Variants in CLVS1 observed in about 807,000 individuals in gnomAD.
CLVS1 encodes the protein clavesin 1, also known as clavesin-1.
In CLVS1, 10 loss-of-function variants were observed where a neutral mutation model predicts 33.1. The observed-to-expected ratio is 0.30, with a 90% CI of 0.19 to 0.51. CLVS1 has a LOEUF of 0.51. Ranked by LOEUF, CLVS1 falls within the 20% of genes least tolerant of loss-of-function variation. The pLI, the probability that CLVS1 is intolerant of heterozygous loss-of-function variation, is 0.97. For synonymous variants in CLVS1, 163 were observed against 166.1 expected, an observed-to-expected ratio of 0.98 and a Z score of 0.14; for missense variants, 343 against 433.4, an observed-to-expected ratio of 0.79 and a Z score of 1.85.
At chr8:61,461,153 G>A (rs1339482713) in intron 5 of CLVS1, among the ~76,000 whole-genome samples, 1 of 152,114 alleles carries the variant, frequency 6.6e-6, no homozygotes, top group East Asian at 1.9e-4. Flanking sequence ...TTTTTTCCTG[G>A]CAAAATGATG....
chr8:61,464,088 CA>C (rs34442006), intron 5 of CLVS1, among the ~76,000 whole-genome samples: 84,360 of 117,984 alleles, frequency 0.72, 30,676 homozygotes, highest in Non-Finnish European at 0.84. Flanking sequence ...GACTCTGTCT[CA>C]AAAAAAAAAA....
chr8:61,253,625 T>C (rs2978493), intron 2 of CLVS1, among the ~76,000 whole-genome samples: 51,993 of 152,006 alleles, frequency 0.34, 9,360 homozygotes, highest in Admixed American at 0.39. Context: ...CATTTCTTTT[T>C]ATTATTTTTT....
chr8:61,453,807 G>A (rs781602806), intron 3 of CLVS1, among the ~76,000 whole-genome samples: 2 of 152,094 alleles, frequency 1.3e-5, no homozygotes, highest in Non-Finnish European at 2.9e-5. Context: ...GTTACCTAAC[G>A]CAATGAAGAA....
At chr8:60,970,030 AAG>A in the CLVS1 span, among the ~76,000 whole-genome samples, 1 of 152,242 alleles carries the variant, frequency 6.6e-6, no homozygotes, top group Non-Finnish European at 1.5e-5. Flanking sequence ...CCGATACGTC[AAG>A]GAGCAACTGT....
At chr8:61,182,721 T>C (rs549523029) in intron 2 of CLVS1, among the ~76,000 whole-genome samples, 1 of 152,168 alleles carries the variant, frequency 6.6e-6, no homozygotes, top group Non-Finnish European at 1.5e-5. Flanking sequence ...AGTTCAATCA[T>C]TGTGGAAGAT....
chr8:61,159,009 C>T (rs1377239937), intron 2 of CLVS1, among the ~76,000 whole-genome samples: 2 of 152,084 alleles, frequency 1.3e-5, no homozygotes, highest in Non-Finnish European at 2.9e-5. Flanking sequence ...GCTGGGACTA[C>T]AGGCATGAGC....
chr8:61,172,170 C>T (rs1807015323), intron 2 of CLVS1, among the ~76,000 whole-genome samples: 1 of 152,140 alleles, frequency 6.6e-6, no homozygotes, highest in East Asian at 1.9e-4. Context: ...ACCACTGCAT[C>T]TTTTGTCTAT....
intron 5 of CLVS1, among the ~76,000 whole-genome samples, chr8:61,460,669 T>C (rs1817336685): frequency 6.6e-6 from 1 of 152,208 alleles, no homozygotes; most frequent in South Asian, 2.1e-4. Context: ...TTTGGCTAAC[T>C]TTCTCAAAAC....
At chr8:61,475,031 G>A (rs985239914) in intron 5 of CLVS1, among the ~76,000 whole-genome samples, 2 of 152,144 alleles carry the variant, frequency 1.3e-5, no homozygotes, top group South Asian at 4.1e-4. Flanking sequence ...CCACCTATGA[G>A]TGAGAACATG....
the CLVS1 span, among the ~76,000 whole-genome samples, chr8:61,029,521 T>A: frequency 6.6e-5 from 10 of 152,070 alleles, no homozygotes; most frequent in African/African-American, 2.4e-4. Flanking sequence ...TGGTAGAACC[T>A]CGAGACGAAT....
chr8:61,449,776 T>C (rs1010080089), intron 3 of CLVS1, among the ~76,000 whole-genome samples: 3 of 152,186 alleles, frequency 2.0e-5, no homozygotes, highest in Admixed American at 1.3e-4. Context: ...TGGGAAACTC[T>C]CTATTGTGTC....
intron 2 of CLVS1, among the ~76,000 whole-genome samples, chr8:61,240,568 G>C (rs1808677223): frequency 6.6e-6 from 1 of 152,192 alleles, no homozygotes; most frequent in Non-Finnish European, 1.5e-5. Flanking sequence ...GTAAAGGCAA[G>C]ATCTTTGTCT....
intron 5 of CLVS1, among the ~76,000 whole-genome samples, chr8:61,471,368 G>A (rs938704758): frequency 2.6e-5 from 4 of 151,968 alleles, no homozygotes; most frequent in Admixed American, 6.6e-5. Flanking sequence ...ATTTTGTCAC[G>A]GTTTTGATTT....
the CLVS1 span, among the ~76,000 whole-genome samples, chr8:61,045,184 G>A: frequency 6.6e-6 from 1 of 152,216 alleles, no homozygotes; most frequent in Non-Finnish European, 1.5e-5. Context: ...AAAAAGCTAA[G>A]ATCCTGAAGC....
At chr8:61,012,517 C>A in the CLVS1 span, among the ~76,000 whole-genome samples, 1 of 152,222 alleles carries the variant, frequency 6.6e-6, no homozygotes. Flanking sequence ...GAACCTGGAT[C>A]TTCTGACAGC....
At chr8:61,118,756 T>C (rs1053084724) in intron 1 of CLVS1, among the ~76,000 whole-genome samples, 3 of 152,202 alleles carry the variant, frequency 2.0e-5, no homozygotes, top group African/African-American at 7.2e-5. Flanking sequence ...ATAATTTCTG[T>C]TCTTTTATAT....
At chr8:61,414,918 C>A (rs1247724758) in intron 3 of CLVS1, among the ~76,000 whole-genome samples, 3 of 152,200 alleles carry the variant, frequency 2.0e-5, no homozygotes, top group Non-Finnish European at 2.9e-5. Flanking sequence ...AATTTATTAA[C>A]ATATTTTATA....
At chr8:61,083,893 G>A (rs575890280) in intron 1 of CLVS1, among the ~76,000 whole-genome samples, 3 of 152,182 alleles carry the variant, frequency 2.0e-5, no homozygotes, top group Non-Finnish European at 4.4e-5. Context: ...TGGGTGGGGC[G>A]AAATAAAGAT....
chr8:61,446,957 A>G (rs1816779924), intron 3 of CLVS1, among the ~76,000 whole-genome samples: 1 of 151,764 alleles, frequency 6.6e-6, no homozygotes, highest in Admixed American at 6.6e-5. Flanking sequence ...AATAATCTGT[A>G]TTATTTCACT....
Sources: gnomAD v4.1 joint callset for allele counts (sites outside exome capture counted in the v4.1 genomes callset) on GRCh38, gnomAD v4.1.1 for gene constraint, MANE v1.5 for transcripts, NCBI Gene and HGNC (gene_info 2026-07-23, HGNC 2026-07-21) for gene names.